Variants in ATP11C observed in about 807,000 individuals in gnomAD.
The protein encoded by ATP11C is phospholipid-transporting ATPase IG.
Under a neutral mutation model 97.4 loss-of-function variants are expected in ATP11C, and 36 were observed. That is an observed-to-expected ratio of 0.37 (90% CI 0.28 to 0.49). The LOEUF is 0.49. Among genes scored for constraint, ATP11C ranks in the 20% least tolerant of loss-of-function variants. The pLI, the probability that ATP11C is intolerant of heterozygous loss-of-function variation, is 0.98. For synonymous variants in ATP11C, 275 were observed against 290.9 expected (o/e 0.95, Z 0.56); for missense variants, 730 against 824.6 (o/e 0.89, Z 1.40).
At chrX:139,842,701 G>C in intron 1 of ATP11C, among the ~76,000 whole-genome samples, 1 of 112,316 alleles carries the variant, frequency 8.9e-6, no homozygotes, top group Non-Finnish European at 1.9e-5. Flanking sequence ...ATTTCCAAGA[G>C]ATTAATGTGT....
chrX:139,915,348 AAC>A (rs2085138957), intron 1 of ATP11C, among the ~76,000 whole-genome samples: 1 of 111,926 alleles, frequency 8.9e-6, no homozygotes, highest in African/African-American at 3.2e-5. Flanking sequence ...GAATTTGAAA[AAC>A]ACATAGACAA....
chrX:139,802,843 T>C (rs2082953682), intron 6 of ATP11C, among the ~76,000 whole-genome samples: 1 of 112,141 alleles, frequency 8.9e-6, no homozygotes, highest in Admixed American at 9.4e-5. Flanking sequence ...ATTAATGATC[T>C]TGAAAATGTT....
intron 18 of ATP11C, among the ~76,000 whole-genome samples, chrX:139,780,233 C>A (rs2082422832): frequency 9.0e-6 from 1 of 110,515 alleles, no homozygotes; most frequent in Admixed American, 9.6e-5. Context: ...AAAAATTTGG[C>A]AAGGACACAA....
At chrX:139,777,850 T>C (rs1007974486) in intron 18 of ATP11C, among the ~76,000 whole-genome samples, 8 of 108,168 alleles carry the variant, frequency 7.4e-5, no homozygotes, top group East Asian at 2.8e-4. Flanking sequence ...AGCCAGAAGA[T>C]TGGGGATGTA....
chrX:139,910,659 C>T (rs1444356030), intron 1 of ATP11C, among the ~76,000 whole-genome samples: 1 of 110,018 alleles, frequency 9.1e-6, no homozygotes, highest in East Asian at 2.8e-4. Flanking sequence ...AAATAAGCAT[C>T]AGTTTCATTA....
intron 1 of ATP11C, among the ~76,000 whole-genome samples, chrX:139,931,334 C>G (rs1398608610): frequency 8.9e-6 from 1 of 112,346 alleles, no homozygotes; most frequent in Non-Finnish European, 1.9e-5. Flanking sequence ...CTGGAGTGCT[C>G]AGTCCTCCGC....
At chrX:139,931,490 C>T (rs370241502) in intron 1 of ATP11C, among the ~76,000 whole-genome samples, 3 of 112,286 alleles carry the variant, frequency 2.7e-5, no homozygotes, top group African/African-American at 6.5e-5. Context: ...CCAAAGTTTG[C>T]CCGGCCTCCG....
chrX:139,848,889 T>C (rs1049834793), intron 1 of ATP11C, among the ~76,000 whole-genome samples: 3 of 112,272 alleles, frequency 2.7e-5, no homozygotes, highest in African/African-American at 9.7e-5. Context: ...TTCCTGCATG[T>C]AGGAGGCTGA....
At chrX:139,767,386 C>A (rs1391001174) in intron 20 of ATP11C, among the ~76,000 whole-genome samples, 1 of 110,380 alleles carries the variant, frequency 9.1e-6, no homozygotes, top group African/African-American at 3.3e-5. Context: ...CAGGACATGG[C>A]GACTATATAT....
chrX:139,774,974 T>C (rs766494424), intron 18 of ATP11C, 21 bp from the exon 19 acceptor site: 10 of 1,178,807 alleles, frequency 8.5e-6, no homozygotes, highest in Middle Eastern at 4.8e-4. Flanking sequence ...AAAAGAAACC[T>C]TGTGATCTTC....
intron 22 of ATP11C, among the ~76,000 whole-genome samples, chrX:139,758,861 G>C: frequency 9.0e-6 from 1 of 111,631 alleles, no homozygotes. Context: ...TAGGAGACTT[G>C]AGACTGTTTT....
rs199847783 is a variant in ATP11C at position 139,841,904 on chromosome X, CCTAG to C, written c.28-15085_28-15082del. On this transcript the variant is annotated intron_variant, in intron 1 of 29. Transcript: ENST00000682941. ...AGGAAAGTTATTTCTTCCTCGTTCC[CCTAG>C]CTATTTTCCTGGGACTAGGACCTTA... Among the ~76,000 whole-genome samples the C allele has an allele frequency of 1.3e-3, 145 of 112,350 alleles. No individual in the cohort carries two copies. In the East Asian group the frequency reaches 0.018, roughly 14 times the overall value.
In ATP11C at chrX:139,850,267, G is replaced by A. The variant is rs771447807; in HGVS notation, c.28-23444C>T. On this transcript the variant is annotated intron_variant, in intron 1 of 29. Coordinates refer to ENST00000682941, the MANE Select transcript of ATP11C (RefSeq NM_001353812.2). The stretch of plus-strand genomic sequence containing the variant: ...CTGATGAGGGCTCGGAAGAAGAGAC[G>A]TGCTATGGGGAAAGTCTGAGGCCTC... 4.5e-5 allele frequency among the ~76,000 whole-genome samples: 5 copies of A among 111,348 alleles called. No homozygotes were observed. The South Asian group carries it at 1.6e-3, about 35-fold the overall frequency.
intron 27 of ATP11C, 110 bp from the exon 28 acceptor site, chrX:139,738,179 A>G: frequency 1.8e-6 from 1 of 540,551 alleles, no homozygotes; most frequent in Non-Finnish European, 2.6e-6. Context: ...CCTTACATAC[A>G]TTAATAAAAA....
intron 5 of ATP11C, among the ~76,000 whole-genome samples, chrX:139,814,485 A>C (rs765444762): frequency 3.6e-5 from 4 of 112,206 alleles, no homozygotes; most frequent in Non-Finnish European, 7.5e-5. Context: ...AAACAACCCA[A>C]ATGTCCATCA....
At chrX:139,894,092 T>C (rs752865614) in intron 1 of ATP11C, among the ~76,000 whole-genome samples, 1 of 111,837 alleles carries the variant, frequency 8.9e-6, no homozygotes, top group Non-Finnish European at 1.9e-5. Flanking sequence ...TTATGAGATT[T>C]TGCTGCTGGG....
intron 1 of ATP11C, among the ~76,000 whole-genome samples, chrX:139,871,134 A>G (rs768047438): frequency 9.0e-6 from 1 of 110,651 alleles, no homozygotes; most frequent in South Asian, 3.8e-4. Context: ...CTGACATAAA[A>G]ACCATATGAA....
At chrX:139,839,809 AT>A (rs2083801294) in intron 1 of ATP11C, among the ~76,000 whole-genome samples, 1 of 110,991 alleles carries the variant, frequency 9.0e-6, no homozygotes, top group Non-Finnish European at 1.9e-5. Flanking sequence ...TCTTCCTCCT[AT>A]TTCCTCAACT....
intron 1 of ATP11C, among the ~76,000 whole-genome samples, chrX:139,919,547 A>G (rs1052896247): frequency 1.8e-4 from 20 of 110,830 alleles, no homozygotes; most frequent in African/African-American, 5.9e-4. Context: ...TAGTTCCTGA[A>G]AAGTTTAAAC....
Sources: allele counts gnomAD v4.1 joint callset (sites outside exome capture counted in the v4.1 genomes callset), GRCh38; gene constraint gnomAD v4.1.1; transcripts MANE v1.5; gene names NCBI Gene and HGNC (gene_info 2026-07-23, HGNC 2026-07-21).